Variants in GREM2 observed in about 807,000 individuals in gnomAD.
GREM2 encodes the protein gremlin-2.
GREM2 carries 11 observed loss-of-function variants against 14.2 expected under a neutral mutation model. The observed-to-expected ratio is 0.78, with a 90% CI of 0.49 to 1.28. GREM2 has a LOEUF of 1.28. Among genes scored for constraint, GREM2 ranks in the 50% most tolerant of loss-of-function variants. The pLI is 0.00. For synonymous variants in GREM2, 98 were observed against 97.6 expected (o/e 1.00, Z -0.02); for missense variants, 210 against 218.5 (o/e 0.96, Z 0.24).
intron 1 of GREM2, among the ~76,000 whole-genome samples, chr1:240,586,268 C>T (rs1253425781): frequency 6.6e-6 from 1 of 152,092 alleles, no homozygotes; most frequent in Non-Finnish European, 1.5e-5. Context: ...TTGTAAAGCT[C>T]CCTGGACTAG....
chr1:240,516,908 T>C (rs948566985), intron 1 of GREM2, among the ~76,000 whole-genome samples: 13 of 152,318 alleles, frequency 8.5e-5, no homozygotes, highest in African/African-American at 3.1e-4. Context: ...GTCTGGGCCC[T>C]GGAGCTAGAC....
intron 1 of GREM2, among the ~76,000 whole-genome samples, chr1:240,516,008 A>G (rs953306484): frequency 1.3e-5 from 2 of 152,118 alleles, no homozygotes; most frequent in African/African-American, 4.8e-5. Flanking sequence ...AATGAGAAAG[A>G]GCTAAGCCTT....
At chr1:240,573,025 A>G (rs1004392897) in intron 1 of GREM2, among the ~76,000 whole-genome samples, 3 of 152,238 alleles carry the variant, frequency 2.0e-5, no homozygotes, top group Admixed American at 1.3e-4. Context: ...CTGAGACTGG[A>G]ATGATGCAAA....
chr1:240,568,523 TAAAAG>T (rs1368944582), intron 1 of GREM2, among the ~76,000 whole-genome samples: 1 of 152,122 alleles, frequency 6.6e-6, no homozygotes, highest in East Asian at 1.9e-4. Context: ...AACAGCTCCT[TAAAAG>T]AAAGATCTTT....
intron 1 of GREM2, among the ~76,000 whole-genome samples, chr1:240,562,111 T>C (rs745755552): frequency 2.0e-5 from 3 of 152,156 alleles, no homozygotes; most frequent in South Asian, 2.1e-4. Context: ...ACTTCAAAGA[T>C]TCTTTACACA....
At chr1:240,546,296 G>A (rs891257159) in intron 1 of GREM2, among the ~76,000 whole-genome samples, 2 of 151,708 alleles carry the variant, frequency 1.3e-5, no homozygotes, top group South Asian at 2.1e-4. Flanking sequence ...CCAAGATCGC[G>A]CTACTGCACT....
chr1:240,517,001 T>G (rs774547500), intron 1 of GREM2, among the ~76,000 whole-genome samples: 25 of 152,190 alleles, frequency 1.6e-4, no homozygotes, highest in Non-Finnish European at 2.2e-4. Context: ...AATCGCTTTG[T>G]GCCAGAGTTT....
intron 1 of GREM2, among the ~76,000 whole-genome samples, chr1:240,599,291 A>G (rs1679875770): frequency 6.6e-6 from 1 of 151,668 alleles, no homozygotes; most frequent in Non-Finnish European, 1.5e-5. Flanking sequence ...AAATACAACA[A>G]CAGTAAGTGA....
chr1:240,541,652 G>A (rs1678591346), intron 1 of GREM2, among the ~76,000 whole-genome samples: 1 of 150,618 alleles, frequency 6.6e-6, no homozygotes, highest in South Asian at 2.1e-4. Flanking sequence ...ATTTCCCTTG[G>A]ATTTTTTTTT....
At chr1:240,496,824 A>G (rs1677429841) in intron 1 of GREM2, among the ~76,000 whole-genome samples, 1 of 152,286 alleles carries the variant, frequency 6.6e-6, no homozygotes, top group Non-Finnish European at 1.5e-5. Context: ...AGCCTGGCCA[A>G]AATGGTGAAA....
At chr1:240,498,761 A>T (rs1245015849) in intron 1 of GREM2, among the ~76,000 whole-genome samples, 1 of 152,232 alleles carries the variant, frequency 6.6e-6, no homozygotes, top group Non-Finnish European at 1.5e-5. Flanking sequence ...CCCTGCCGGT[A>T]ACGACAGCAC....
chr1:240,612,000 C>A lies in GREM2; in HGVS notation c.-118G>T, dbSNP rs765829776. 5 of 152,782 alleles carry A rather than the reference C, an allele frequency of 3.3e-5. No homozygotes were observed. Among genetic ancestry groups the A allele is most frequent in the African/African-American group, 4.8e-5 (2 of 41,450 alleles). 9.5% of individuals were successfully genotyped at this position (152,782 alleles called of 1,614,324 possible). A position where few individuals can be genotyped will look rare whatever the true frequency, so the allele number is the denominator to read the frequency against. On this transcript the variant is annotated 5_prime_UTR_variant, in exon 1 of 2. Coordinates refer to ENST00000318160, the MANE Select transcript of GREM2 (RefSeq NM_022469.4). The stretch of plus-strand genomic sequence containing the variant: ...GCGGGGTCTAAGTTTGGTCTCCCGC[C>A]GCCGCTTTCAGTTCGACCGCAGCCA...
At chr1:240,536,350 A>T (rs927061645) in intron 1 of GREM2, among the ~76,000 whole-genome samples, 3 of 152,234 alleles carry the variant, frequency 2.0e-5, no homozygotes, top group Non-Finnish European at 2.9e-5. Flanking sequence ...AGGGTCATGC[A>T]GCCAAGCACA....
In GREM2 at chr1:240,492,260, C is replaced by T. The variant is rs11587912; in HGVS notation, c.*709G>A. On this transcript the variant is annotated 3_prime_UTR_variant, in exon 2 of 2. Transcript: ENST00000318160. ...TCATCTTTAGTCCACAAATAGGGGG[C>T]GGGGACAGTGAGGAAGAAGAGGCGG... is the stretch of plus-strand genomic sequence containing the variant. 1.1e-5 allele frequency: 5 copies of T among 446,124 alleles called. No homozygotes were observed. The highest frequency in any genetic ancestry group is 4.7e-5 in the South Asian group (3 of 63,350). The allele number at this position is 446,124 out of a possible 1,614,324, so 27.6% of individuals were successfully genotyped here.
At chr1:240,578,742 C>T (rs1162077375) in intron 1 of GREM2, among the ~76,000 whole-genome samples, 3 of 151,642 alleles carry the variant, frequency 2.0e-5, no homozygotes, top group Non-Finnish European at 2.9e-5. Context: ...CAAGATCACG[C>T]CACTGTACTC....
chr1:240,556,002 T>C (rs1218665273), intron 1 of GREM2, among the ~76,000 whole-genome samples: 1 of 152,228 alleles, frequency 6.6e-6, no homozygotes, highest in Non-Finnish European at 1.5e-5. Flanking sequence ...TTACAGGTTT[T>C]AAGAGTTTCT....
chr1:240,590,997 G>C (rs145466079), intron 1 of GREM2, among the ~76,000 whole-genome samples: 233 of 150,798 alleles, frequency 1.5e-3, no homozygotes, highest in Non-Finnish European at 2.6e-3. Context: ...GGCCAGGCTG[G>C]TCTCAAATGC....
In GREM2 at chr1:240,540,263, A is replaced by G. The variant is rs1678557201; in HGVS notation, c.-1-46787T>C. On this transcript the variant is annotated intron_variant, in intron 1 of 1. Transcript: ENST00000318160. This position sits in a 1 kb window ranked among gnomAD's most constrained non-coding sequence, Gnocchi z 4.2. ...ACAGCACATTTGCTAGCTTTCTACT[A>G]ATTGCCCTAATTTTCTTTGTCTAGA... Among the ~76,000 whole-genome samples the G allele has an allele frequency of 6.6e-6, 1 of 152,142 alleles. No individual in the cohort carries two copies. The highest frequency in any genetic ancestry group is 2.1e-4 in the South Asian group (1 of 4,820).
At chr1:240,547,510 AAAAAATAT>A (rs1478113781) in intron 1 of GREM2, among the ~76,000 whole-genome samples, 1,835 of 101,048 alleles carry the variant, frequency 0.018, 46 homozygotes, top group African/African-American at 0.091. Flanking sequence ...AAAAAAAAAA[AAAAAATAT>A]ATATATATAT....
Sources: gnomAD v4.1 joint callset for allele counts (sites outside exome capture counted in the v4.1 genomes callset) on GRCh38, gnomAD v4.1.1 for gene constraint, Gnocchi (gnomAD v3.1) non-coding constraint, MANE v1.5 for transcripts, NCBI Gene and HGNC (gene_info 2026-07-23, HGNC 2026-07-21) for gene names.